Variants in ANKFN1 observed in about 807,000 individuals in gnomAD.
The protein encoded by ANKFN1 is ankyrin repeat and fibronectin type-III domain-containing protein 1.
In ANKFN1, 74 loss-of-function variants were observed where a neutral mutation model predicts 108.7. The observed-to-expected ratio is 0.68, with a 90% CI of 0.56 to 0.83. The LOEUF is 0.83. Among genes scored for constraint, ANKFN1 ranks in the 40% least tolerant of loss-of-function variants. ANKFN1 has a pLI of 0.00. For synonymous variants in ANKFN1, 547 were observed against 516.2 expected (o/e 1.06, Z -0.81); for missense variants, 1,505 against 1,382.3 (o/e 1.09, Z -1.41).
chr17:56,423,053 A>T (rs1188067632), intron 8 of ANKFN1, among the ~76,000 whole-genome samples: 1 of 152,212 alleles, frequency 6.6e-6, no homozygotes. Flanking sequence ...TCCAGCAATT[A>T]TTCTGAGGAG....
chr17:56,210,923 T>TA (rs1914945511), intron 1 of ANKFN1, among the ~76,000 whole-genome samples: 2 of 152,200 alleles, frequency 1.3e-5, no homozygotes, highest in African/African-American at 4.8e-5. Context: ...TACATGGTGA[T>TA]AATGGGGATT....
chr17:56,480,267 C>T (rs963321503), intron 16 of ANKFN1, among the ~76,000 whole-genome samples: 17 of 152,200 alleles, frequency 1.1e-4, no homozygotes, highest in African/African-American at 4.1e-4. Context: ...TGAGTTGGAC[C>T]AGAGTCCTGT....
intron 8 of ANKFN1, among the ~76,000 whole-genome samples, chr17:56,406,384 C>T (rs1401537529): frequency 1.3e-5 from 2 of 152,108 alleles, no homozygotes; most frequent in Non-Finnish European, 2.9e-5. Flanking sequence ...AAAATATCTC[C>T]ATGGCTATCA....
intron 4 of ANKFN1, among the ~76,000 whole-genome samples, chr17:56,344,063 T>C (rs1270890760): frequency 2.0e-5 from 3 of 151,996 alleles, no homozygotes; most frequent in Non-Finnish European, 4.4e-5. Context: ...GCCCAATATT[T>C]GGGCTTCTGC....
intron 6 of ANKFN1, chr17:56,368,197 C>G (rs1313713112): frequency 1.0e-5 from 13 of 1,280,496 alleles, no homozygotes; most frequent in African/African-American, 3.1e-5. Context: ...TCAGCATACA[C>G]AAATTACAAA....
chr17:56,436,186 A>G (rs1265624912), intron 8 of ANKFN1, among the ~76,000 whole-genome samples: 1 of 152,230 alleles, frequency 6.6e-6, no homozygotes, highest in East Asian at 1.9e-4. Flanking sequence ...AGTTTTGTTA[A>G]AATAACAAGG....
chr17:56,463,267 C>T (rs982221958), intron 14 of ANKFN1, among the ~76,000 whole-genome samples: 3 of 152,096 alleles, frequency 2.0e-5, no homozygotes, highest in Non-Finnish European at 4.4e-5. Flanking sequence ...CCTAGAAATG[C>T]TCATTTGTGC....
intron 3 of ANKFN1, among the ~76,000 whole-genome samples, chr17:56,303,425 G>T (rs1414479124): frequency 2.0e-5 from 3 of 152,130 alleles, no homozygotes; most frequent in African/African-American, 7.2e-5. Context: ...AAATTCATCT[G>T]CTGCTCAACA....
intron 3 of ANKFN1, among the ~76,000 whole-genome samples, chr17:56,277,172 A>T (rs1353692368): frequency 1.3e-5 from 2 of 152,198 alleles, no homozygotes; most frequent in Non-Finnish European, 2.9e-5. Flanking sequence ...AGCTTCTGTT[A>T]ATTATTCCTA....
In ANKFN1 at chr17:56,513,577, TTG is replaced by T. The variant is rs2051836202; in HGVS notation, c.*2311_*2312del. 6.6e-6 allele frequency among the ~76,000 whole-genome samples: 1 copy of T among 152,154 alleles called. No homozygotes were observed. The highest frequency in any genetic ancestry group is 1.5e-5 in the Non-Finnish European group (1 of 68,032). On this transcript the variant is annotated 3_prime_UTR_variant, in exon 21 of 21. Transcript: ENST00000682825. ...TCATTCTGGTGGCATAGGAGGAAGT[TTG>T]TGACTGAATCAGGTGGGAGGCATTC...
intron 1 of ANKFN1, among the ~76,000 whole-genome samples, chr17:56,180,586 T>A (rs1479065219): frequency 2.0e-5 from 3 of 152,188 alleles, no homozygotes; most frequent in Non-Finnish European, 2.9e-5. Context: ...GTATGTAGTG[T>A]TTTCATTGGT....
At chr17:56,046,616 C>T (rs1024190569) in intron 4 of ANKFN1, among the ~76,000 whole-genome samples, 1 of 152,274 alleles carries the variant, frequency 6.6e-6, no homozygotes, top group East Asian at 1.9e-4. Context: ...TCCAGAGGAG[C>T]TTTCCCAGGT....
intron 1 of ANKFN1, among the ~76,000 whole-genome samples, chr17:56,184,209 A>G (rs1911969161): frequency 6.6e-6 from 1 of 152,164 alleles, no homozygotes. Context: ...AAGTCAATCA[A>G]TGTGGGTGAA....
intron 3 of ANKFN1, 47 bp from the exon 4 acceptor site, chr17:56,326,174 C>T (rs748517794): frequency 1.2e-4 from 186 of 1,553,918 alleles, no homozygotes; most frequent in Non-Finnish European, 1.4e-4. Context: ...TCATGGACTT[C>T]GGCTCTTGCC....
intron 1 of ANKFN1, among the ~76,000 whole-genome samples, chr17:56,189,666 C>T (rs1233451894): frequency 1.3e-5 from 2 of 152,114 alleles, no homozygotes; most frequent in Non-Finnish European, 2.9e-5. Flanking sequence ...TGATAAACAG[C>T]TCCAAAAACA....
intron 8 of ANKFN1, among the ~76,000 whole-genome samples, chr17:56,417,058 G>T (rs1431839300): frequency 2.0e-5 from 3 of 152,040 alleles, no homozygotes; most frequent in African/African-American, 7.2e-5. Context: ...ACCAGAGGCT[G>T]GGAAGGGTAG....
chr17:56,047,969 G>A (rs557279325), intron 4 of ANKFN1, among the ~76,000 whole-genome samples: 2 of 152,168 alleles, frequency 1.3e-5, no homozygotes, highest in African/African-American at 4.8e-5. Flanking sequence ...TGTTTTTAAA[G>A]GATCTTCTCC....
Position 56,480,772 on chromosome 17 carries a change from T to C in ANKFN1, c.2045T>C (p.Met682Thr), listed in dbSNP as rs751537629. 7 of 1,613,962 alleles carry C rather than the reference T, an allele frequency of 4.3e-6. No homozygotes were observed. The Admixed American group carries it at 1.2e-4, about 27-fold the overall frequency. The change falls in exon 17 of 21, where the codon ATG (methionine) becomes ACG (threonine). Residue 682 changes from methionine (M) to threonine (T), a missense_variant. Met to Thr is a moderately conservative substitution (Grantham distance 81). Transcript: ENST00000682825. ...PMQLFFYELQMAVKALLQQIN... is the reference protein window; with the variant it reads ...PMQLFFYELQTAVKALLQQIN... The stretch of plus-strand genomic sequence containing the variant: ...CAATTGTTCTTCTACGAGCTCCAGA[T>C]GGCAGTGAAAGCTCTCCTTCAGCAG...
At chr17:56,362,556 AATGAAACTGGACCCTTATCTC>A (rs1314691299) in intron 6 of ANKFN1, among the ~76,000 whole-genome samples, 1 of 152,200 alleles carries the variant, frequency 6.6e-6, no homozygotes, top group African/African-American at 2.4e-5. Flanking sequence ...CATGCAGAAG[AATGAAACTGGACCCTTATCTC>A]ATACCATATA....
Sources: allele counts gnomAD v4.1 joint callset (sites outside exome capture counted in the v4.1 genomes callset), GRCh38; gene constraint gnomAD v4.1.1; transcripts MANE v1.5; gene names NCBI Gene and HGNC (gene_info 2026-07-23, HGNC 2026-07-21).